The following PRKG1 variants were observed in gnomAD, a reference collection of about 807,000 sequenced individuals.
PRKG1 encodes the protein protein kinase cGMP-dependent 1, also known as cGMP-dependent protein kinase 1.
A neutral mutation model predicts 88.1 loss-of-function variants in PRKG1; 35 were observed. The ratio of observed to expected loss-of-function variants is 0.40; its 90% CI spans 0.30 to 0.53. PRKG1 has a LOEUF of 0.53. Ranked by LOEUF, PRKG1 falls within the 20% of genes least tolerant of loss-of-function variation. PRKG1 has a pLI of 0.59. For synonymous variants in PRKG1, 303 were observed against 292.5 expected (o/e 1.04, Z -0.37); for missense variants, 540 against 839.8 (o/e 0.64, Z 4.41).
chr10:51,490,505 G>C (rs1425412822), intron 3 of PRKG1, among the ~76,000 whole-genome samples: 1 of 152,088 alleles, frequency 6.6e-6, no homozygotes, highest in Non-Finnish European at 1.5e-5. Flanking sequence ...TCTTTGTTCA[G>C]TACTTTACAT....
intron 3 of PRKG1, chr10:51,698,671 T>C: frequency 6.2e-7 from 1 of 1,614,184 alleles, no homozygotes; most frequent in Non-Finnish European, 8.5e-7. Context: ...GGCCAACCCC[T>C]GGCATTCCAA....
intron 3 of PRKG1, among the ~76,000 whole-genome samples, chr10:51,603,158 A>C (rs1450939749): frequency 6.6e-6 from 1 of 151,992 alleles, no homozygotes; most frequent in Admixed American, 6.6e-5. Flanking sequence ...GGGTTTCACC[A>C]TGTTGGCCAG....
chr10:51,339,902 C>T (rs1191235289), intron 2 of PRKG1, among the ~76,000 whole-genome samples: 2 of 151,928 alleles, frequency 1.3e-5, no homozygotes, highest in African/African-American at 4.8e-5. Flanking sequence ...TGATTATTTC[C>T]TACAGATAAA....
chr10:51,923,735 G>A (rs553696878), intron 5 of PRKG1, among the ~76,000 whole-genome samples: 1 of 150,950 alleles, frequency 6.6e-6, no homozygotes, highest in Admixed American at 6.6e-5. Flanking sequence ...TGAGTATATT[G>A]TTACTCTTAT....
chr10:52,152,633 A>C (rs944698058), intron 8 of PRKG1, among the ~76,000 whole-genome samples: 2 of 152,130 alleles, frequency 1.3e-5, no homozygotes, highest in African/African-American at 4.8e-5. Flanking sequence ...GCATGGGATA[A>C]TTCAGAGAAG....
intron 2 of PRKG1, among the ~76,000 whole-genome samples, chr10:51,160,239 A>C (rs1364037343): frequency 1.3e-5 from 2 of 152,142 alleles, no homozygotes; most frequent in Non-Finnish European, 2.9e-5. Flanking sequence ...ACTTATATAA[A>C]TCTAATAATT....
At chr10:51,462,326 A>G (rs1839768421) in intron 2 of PRKG1, among the ~76,000 whole-genome samples, 1 of 152,206 alleles carries the variant, frequency 6.6e-6, no homozygotes, top group Non-Finnish European at 1.5e-5. Flanking sequence ...TGCCAGTAAT[A>G]AATCTCTAAG....
chr10:51,384,229 G>C (rs1436063803), intron 2 of PRKG1, among the ~76,000 whole-genome samples: 1 of 152,162 alleles, frequency 6.6e-6, no homozygotes, highest in African/African-American at 2.4e-5. Flanking sequence ...TTAGAATTAA[G>C]TCTTATTCTA....
At chr10:52,055,077 A>G (rs1431816891) in intron 6 of PRKG1, among the ~76,000 whole-genome samples, 2 of 152,224 alleles carry the variant, frequency 1.3e-5, no homozygotes, top group Admixed American at 1.3e-4. Flanking sequence ...CAGAGGTTGC[A>G]GTGAGCCAAG....
intron 3 of PRKG1, among the ~76,000 whole-genome samples, chr10:51,780,149 A>G (rs1838548894): frequency 6.6e-6 from 1 of 152,140 alleles, no homozygotes; most frequent in Admixed American, 6.6e-5. Flanking sequence ...TTTTCTGGTA[A>G]CATAGTCTGC....
At chr10:51,623,557 A>G (rs1749717130) in intron 3 of PRKG1, among the ~76,000 whole-genome samples, 1 of 152,092 alleles carries the variant, frequency 6.6e-6, no homozygotes, top group Non-Finnish European at 1.5e-5. Context: ...TAAAATGGCA[A>G]CTTAGCTTGG....
intron 2 of PRKG1, among the ~76,000 whole-genome samples, chr10:51,381,671 A>G (rs573569642): frequency 6.6e-6 from 1 of 152,362 alleles, no homozygotes; most frequent in East Asian, 1.9e-4. Context: ...AGAACTAAGA[A>G]TATGTAAACA....
chr10:51,885,181 T>A (rs529218808), intron 4 of PRKG1, among the ~76,000 whole-genome samples: 6 of 152,326 alleles, frequency 3.9e-5, no homozygotes, highest in South Asian at 4.1e-4. Flanking sequence ...AGTTGTGATG[T>A]TAACCTAGGT....
chr10:51,380,235 C>A (rs1837041755), intron 2 of PRKG1, among the ~76,000 whole-genome samples: 1 of 152,092 alleles, frequency 6.6e-6, no homozygotes, highest in African/African-American at 2.4e-5. Flanking sequence ...AGGGAGCCTG[C>A]TTACTCTAGT....
At chr10:51,076,699 C>T (rs1843961647) in intron 1 of PRKG1, among the ~76,000 whole-genome samples, 1 of 152,122 alleles carries the variant, frequency 6.6e-6, no homozygotes, top group African/African-American at 2.4e-5. Flanking sequence ...AGTTTAAAAG[C>T]CTCTTTGTAC....
At chr10:51,096,276 C>G (rs1844525941) in intron 1 of PRKG1, among the ~76,000 whole-genome samples, 1 of 152,110 alleles carries the variant, frequency 6.6e-6, no homozygotes, top group African/African-American at 2.4e-5. Context: ...CCACATTTGT[C>G]TGGCCATTGA....
chr10:52,120,816 T>C (rs550984263), intron 7 of PRKG1, among the ~76,000 whole-genome samples: 1 of 152,184 alleles, frequency 6.6e-6, no homozygotes, highest in South Asian at 2.1e-4. Flanking sequence ...GCTCTACGGT[T>C]ATGGCGTCAC....
intron 9 of PRKG1, among the ~76,000 whole-genome samples, chr10:52,208,926 A>G (rs991307414): frequency 1.3e-5 from 2 of 152,210 alleles, no homozygotes; most frequent in African/African-American, 4.8e-5. Flanking sequence ...CTAAGACTTT[A>G]TTATTTAGAA....
chr10:51,014,502 T>C (rs576044757), intron 1 of PRKG1, among the ~76,000 whole-genome samples: 116 of 152,144 alleles, frequency 7.6e-4, no homozygotes, highest in Admixed American at 1.8e-3. Context: ...GTAATAGGGC[T>C]TTTGCAGGGA....
Sources: gnomAD v4.1 joint callset for allele counts (sites outside exome capture counted in the v4.1 genomes callset) on GRCh38, gnomAD v4.1.1 for gene constraint, MANE v1.5 for transcripts, NCBI Gene and HGNC (gene_info 2026-07-23, HGNC 2026-07-21) for gene names.